The following RTN1 variants were observed in gnomAD, a reference collection of about 807,000 sequenced individuals.
RTN1 encodes reticulon-1.
A neutral mutation model predicts 65.5 loss-of-function variants in RTN1; 25 were observed. That is an observed-to-expected ratio of 0.38 (90% CI 0.28 to 0.53). The LOEUF (loss-of-function observed/expected upper bound fraction) is 0.53, where lower values mean the gene tolerates loss of function less well. RTN1 is among the 20% of genes least tolerant of loss of function. The pLI is 0.79. For synonymous variants in RTN1, 471 were observed against 447.6 expected, an observed-to-expected ratio of 1.05 and a Z score of -0.66; for missense variants, 983 against 1,025.4, an observed-to-expected ratio of 0.96 and a Z score of 0.57.
At chr14:59,843,550 T>C (rs1046901820) in intron 1 of RTN1, among the ~76,000 whole-genome samples, 1 of 152,240 alleles carries the variant, frequency 6.6e-6, no homozygotes, top group Non-Finnish European at 1.5e-5. Flanking sequence ...ATAGCTATTA[T>C]TGTTATTCAA....
intron 3 of RTN1, among the ~76,000 whole-genome samples, chr14:59,669,639 C>T (rs546357150): frequency 6.6e-6 from 1 of 152,050 alleles, no homozygotes; most frequent in South Asian, 2.1e-4. Context: ...AGAACTGTTG[C>T]AGCCATCTTA....
At chr14:59,684,718 G>GT (rs1467426588) in intron 3 of RTN1, among the ~76,000 whole-genome samples, 2 of 151,912 alleles carry the variant, frequency 1.3e-5, no homozygotes, top group Non-Finnish European at 2.9e-5. Context: ...TTTATATGGG[G>GT]TACTTGAGCA....
rs1887887533 is a variant in RTN1, at chr14:59,870,680, C to T, written c.-50G>A. The T allele has an allele frequency of 4.6e-6, 6 of 1,315,370 alleles. No homozygotes were observed. Among genetic ancestry groups the T allele is most frequent in the Non-Finnish European group, 5.8e-6 (6 of 1,040,700 alleles). 81.5% of individuals were successfully genotyped at this position (1,315,370 alleles called of 1,614,324 possible). ...ACGGCGGCTTGGCTGGGCAGAGGCT[C>T]GGTGGCTGCGCGGGCGCTCCCTGCT... is the stretch of plus-strand genomic sequence containing the variant. On this transcript the variant is annotated 5_prime_UTR_variant, in exon 1 of 9. Coordinates refer to ENST00000267484, the MANE Select transcript of RTN1 (RefSeq NM_021136.3). This position sits in a 1 kb window ranked among gnomAD's most constrained non-coding sequence, Gnocchi z 5.1.
At chr14:59,778,126 C>T (rs1335433708) in intron 1 of RTN1, among the ~76,000 whole-genome samples, 2 of 152,176 alleles carry the variant, frequency 1.3e-5, no homozygotes, top group African/African-American at 2.4e-5. Context: ...GCTCACTCAT[C>T]ACCTCCTGAA....
intron 1 of RTN1, among the ~76,000 whole-genome samples, chr14:59,867,280 C>T (rs1887816506): frequency 6.6e-6 from 1 of 152,118 alleles, no homozygotes. Context: ...CATGAAAAAA[C>T]AGAACAGTTG....
chr14:59,820,030 C>T (rs1886911986), intron 1 of RTN1, among the ~76,000 whole-genome samples: 2 of 152,364 alleles, frequency 1.3e-5, no homozygotes, highest in Non-Finnish European at 1.5e-5. Flanking sequence ...TCAAGCATGG[C>T]CAGAGTGGAC....
At chr14:59,773,331 G>A (rs1885992789) in intron 1 of RTN1, among the ~76,000 whole-genome samples, 1 of 151,918 alleles carries the variant, frequency 6.6e-6, no homozygotes, top group African/African-American at 2.4e-5. Context: ...ATCTTATTAA[G>A]TCTAATAAGG....
In RTN1 at chr14:59,727,594, T is replaced by C. The variant is rs759236332; in HGVS notation, c.1090A>G (p.Lys364Glu). 1.2e-6 allele frequency: 2 copies of C among 1,612,794 alleles called. No homozygotes were observed. Among genetic ancestry groups the C allele is most frequent in the Non-Finnish European group, 1.7e-6 (2 of 1,179,768 alleles). Residue 364 changes from lysine to glutamate, a missense_variant, in exon 3 of 9, where the codon AAG (lysine) becomes GAG (glutamate). Lys to Glu is a moderately conservative substitution (Grantham distance 56, BLOSUM62 1). Around this residue, in one of 2 missense-constraint regions of RTN1, gnomAD observed 818 missense variants for 801.8 expected, o/e 1.02. Coordinates refer to ENST00000267484, the MANE Select transcript of RTN1 (RefSeq NM_021136.3). This position sits in a 1 kb window ranked among gnomAD's most constrained non-coding sequence, Gnocchi z 4.2. ...DELITAIKEA[K>E]GLSYETAENP... ...TCGGCGGTTTCATACGATAATCCCT[T>C]TGCTTCTTTGATGGCGGTGATCAGC...
chr14:59,809,748 T>C (rs1476340331), intron 1 of RTN1, among the ~76,000 whole-genome samples: 1 of 152,102 alleles, frequency 6.6e-6, no homozygotes, highest in Non-Finnish European at 1.5e-5. Flanking sequence ...GGCCCACACG[T>C]GCAAAGCAGC....
At chr14:59,852,365 A>G (rs1887524833) in intron 1 of RTN1, among the ~76,000 whole-genome samples, 1 of 152,242 alleles carries the variant, frequency 6.6e-6, no homozygotes, top group Non-Finnish European at 1.5e-5. Context: ...CTGATTTTCC[A>G]CATTGAAGAA....
At chr14:59,785,091 C>T (rs953378686) in intron 1 of RTN1, among the ~76,000 whole-genome samples, 3 of 152,172 alleles carry the variant, frequency 2.0e-5, no homozygotes, top group Admixed American at 2.0e-4. Flanking sequence ...CTGGATAAAT[C>T]CCACAGTAGT....
chr14:59,806,040 A>ATCC (rs139595142), intron 1 of RTN1, among the ~76,000 whole-genome samples: 11,844 of 152,022 alleles, frequency 0.078, 620 homozygotes, highest in Non-Finnish European at 0.12. Context: ...GATAGAGACC[A>ATCC]TCCTGGCCAA....
At chr14:59,602,903 T>A in intron 8 of RTN1, among the ~76,000 whole-genome samples, 162 bp downstream of exon 8, 1 of 152,208 alleles carries the variant, frequency 6.6e-6, no homozygotes, top group East Asian at 1.9e-4. Flanking sequence ...GCTTATTTTC[T>A]AAAATAACAT....
rs573088032 is a variant in RTN1, at chr14:59,764,419, CA to C, written c.242-17939del. Among the ~76,000 whole-genome samples, 132 of 151,924 alleles carry C rather than the reference CA, an allele frequency of 8.7e-4. 1 individual carries two copies. Among genetic ancestry groups the C allele is most frequent in the African/African-American group, 3.1e-3 (129 of 41,444 alleles). ...CACTGCAACCTCCGCCTCCTAGGTT[CA>C]AGCAGTTCTCCTGCCTCAGCCTCCC... On this transcript the variant is annotated intron_variant, in intron 1 of 8. Coordinates refer to ENST00000267484, the MANE Select transcript of RTN1 (RefSeq NM_021136.3).
At chr14:59,674,815 T>C (rs1264912756) in intron 3 of RTN1, among the ~76,000 whole-genome samples, 1 of 152,146 alleles carries the variant, frequency 6.6e-6, no homozygotes, top group Non-Finnish European at 1.5e-5. Flanking sequence ...ATCTCAAAAT[T>C]GCAAATGGCA....
At chr14:59,785,686 C>T (rs1886238064) in intron 1 of RTN1, among the ~76,000 whole-genome samples, 1 of 152,168 alleles carries the variant, frequency 6.6e-6, no homozygotes, top group African/African-American at 2.4e-5. Flanking sequence ...AAAACTGCCA[C>T]TGAAAAAGGT....
chr14:59,622,107 G>T (rs2281552), intron 3 of RTN1, among the ~76,000 whole-genome samples: 1 of 151,954 alleles, frequency 6.6e-6, no homozygotes, highest in East Asian at 1.9e-4. Context: ...AGGCTGAGGC[G>T]GGCGGATCAT....
At chr14:59,704,961 G>C (rs1428026263) in intron 3 of RTN1, among the ~76,000 whole-genome samples, 1 of 152,164 alleles carries the variant, frequency 6.6e-6, no homozygotes, top group Non-Finnish European at 1.5e-5. Flanking sequence ...ACAGCTTTTA[G>C]TTAGCCCAAA....
chr14:59,773,712 G>C (rs923724236), intron 1 of RTN1, among the ~76,000 whole-genome samples: 1 of 152,046 alleles, frequency 6.6e-6, no homozygotes, highest in Admixed American at 6.6e-5. Flanking sequence ...AAAAGTGTAT[G>C]GGATACACTG....
Sources: gnomAD v4.1 joint callset for allele counts (sites outside exome capture counted in the v4.1 genomes callset) on GRCh38, gnomAD v4.1.1 for gene constraint, gnomAD v4.1.1 regional missense constraint, Gnocchi (gnomAD v3.1) non-coding constraint, MANE v1.5 for transcripts, NCBI Gene and HGNC (gene_info 2026-07-23, HGNC 2026-07-21) for gene names.